The following WWC2 variants were observed in gnomAD, a reference collection of about 807,000 sequenced individuals.
The protein encoded by WWC2 is protein WWC2.
In WWC2, 101 loss-of-function variants were observed where a neutral mutation model predicts 138.5. The ratio of observed to expected loss-of-function variants is 0.73; its 90% CI spans 0.62 to 0.86. WWC2 has a LOEUF of 0.86. Ranked by LOEUF, WWC2 falls within the 40% of genes least tolerant of loss-of-function variation. The pLI, the probability that WWC2 is intolerant of heterozygous loss-of-function variation, is 0.00. For missense variants in WWC2, 1,420 were observed against 1,419.4 expected, an observed-to-expected ratio of 1.00 and a Z score of -0.01; for synonymous variants, 558 against 538.4, an observed-to-expected ratio of 1.04 and a Z score of -0.50.
chr4:183,285,928 G>A (rs1216944637), intron 19 of WWC2, 39 bp from the exon 20 acceptor site: 3 of 1,532,964 alleles, frequency 2.0e-6, no homozygotes, highest in Non-Finnish European at 2.7e-6. Context: ...CACTCTGTTT[G>A]ATATGCAGTG....
intron 8 of WWC2, among the ~76,000 whole-genome samples, chr4:183,250,387 G>A (rs971442903): frequency 6.6e-5 from 10 of 152,158 alleles, no homozygotes; most frequent in African/African-American, 1.4e-4. Context: ...AGGCAAATAA[G>A]TATTGATTTA....
At chr4:183,214,484 T>C (rs1735692300) in intron 4 of WWC2, among the ~76,000 whole-genome samples, 2 of 152,102 alleles carry the variant, frequency 1.3e-5, no homozygotes, top group South Asian at 4.1e-4. Flanking sequence ...ATCATATCAG[T>C]ATTCTTCAAA....
At chr4:183,185,134 A>G (rs1252876357) in intron 1 of WWC2, among the ~76,000 whole-genome samples, 3 of 151,858 alleles carry the variant, frequency 2.0e-5, no homozygotes, top group African/African-American at 7.3e-5. Flanking sequence ...GTCCTTCCCA[A>G]ATCTACTGAG....
chr4:183,231,720 G>A (rs1430246041), intron 4 of WWC2, among the ~76,000 whole-genome samples: 1 of 152,048 alleles, frequency 6.6e-6, no homozygotes, highest in Non-Finnish European at 1.5e-5. Context: ...TTAAGAGACA[G>A]CATTGTTGTC....
intron 11 of WWC2, among the ~76,000 whole-genome samples, chr4:183,263,605 T>C (rs1341762838): frequency 1.3e-5 from 2 of 152,186 alleles, no homozygotes; most frequent in African/African-American, 4.8e-5. Context: ...TGAAAGCGTA[T>C]ATTTAACCAT....
intron 4 of WWC2, among the ~76,000 whole-genome samples, chr4:183,210,161 C>G (rs1735556354): frequency 6.6e-6 from 1 of 151,954 alleles, no homozygotes; most frequent in East Asian, 1.9e-4. Context: ...AAAAATTATG[C>G]CTTAATGTAC....
chr4:183,185,477 A>G (rs959903300), intron 1 of WWC2, among the ~76,000 whole-genome samples: 1 of 152,356 alleles, frequency 6.6e-6, no homozygotes, highest in East Asian at 1.9e-4. Flanking sequence ...ATTTTTCAAA[A>G]GCGACTTTTG....
rs1579951352 is a variant in WWC2 at position 183,114,777 on chromosome 4, C to A, written c.131+15155C>A. On this transcript the variant is annotated intron_variant, in intron 1 of 22. Transcript: ENST00000403733. ...GGGTTTGGTGTACAAATTATTTCAT[C>A]ACCCAGGTAATAAACATAGTACCCC... Among the ~76,000 whole-genome samples the A allele has an allele frequency of 7.9e-5, 12 of 151,984 alleles. No homozygotes were observed. In the South Asian group the frequency reaches 2.3e-3, roughly 29 times the overall value.
intron 1 of WWC2, among the ~76,000 whole-genome samples, chr4:183,189,354 T>C (rs1443591496): frequency 5.3e-5 from 8 of 151,754 alleles, no homozygotes; most frequent in Non-Finnish European, 2.9e-5. Context: ...GGGGAATTGC[T>C]TGAACCAGGG....
chr4:183,250,056 A>G (rs1736926594), intron 8 of WWC2, 63 bp downstream of exon 8: 3 of 1,474,104 alleles, frequency 2.0e-6, no homozygotes. Flanking sequence ...ATTAATCTTT[A>G]CTCCTGTGGT....
At chr4:183,166,628 C>T (rs1734137353) in intron 1 of WWC2, among the ~76,000 whole-genome samples, 1 of 152,172 alleles carries the variant, frequency 6.6e-6, no homozygotes, top group South Asian at 2.1e-4. Flanking sequence ...AAGTCATTTA[C>T]TCACTTGTTT....
At chr4:183,274,577 T>A (rs892891774) in intron 16 of WWC2, among the ~76,000 whole-genome samples, 1 of 152,158 alleles carries the variant, frequency 6.6e-6, no homozygotes, top group African/African-American at 2.4e-5. Flanking sequence ...GTATGCGACT[T>A]CTTTTGTTAA....
intron 1 of WWC2, among the ~76,000 whole-genome samples, chr4:183,155,412 A>G (rs1452192017): frequency 1.3e-5 from 2 of 152,170 alleles, no homozygotes; most frequent in Non-Finnish European, 2.9e-5. Context: ...TATTGAGAGT[A>G]AGAAACTTGA....
At chr4:183,110,472 T>C (rs1238795800) in intron 1 of WWC2, among the ~76,000 whole-genome samples, 4 of 148,634 alleles carry the variant, frequency 2.7e-5, no homozygotes, top group Non-Finnish European at 5.9e-5. Flanking sequence ...TAATTTTTCC[T>C]ATACTTTTTG....
chr4:183,154,072 C>A (rs1022716225), intron 1 of WWC2, among the ~76,000 whole-genome samples: 1 of 145,684 alleles, frequency 6.9e-6, no homozygotes, highest in Non-Finnish European at 1.5e-5. Flanking sequence ...AATTAGGCTG[C>A]ATTTAAGGAA....
chr4:183,306,652 G>A (rs1170509497), intron 21 of WWC2, among the ~76,000 whole-genome samples: 1 of 125,962 alleles, frequency 7.9e-6, no homozygotes, highest in East Asian at 2.3e-4. Flanking sequence ...TCAACCTCCT[G>A]AGTAGCTGGG....
chr4:183,146,412 A>G (rs914152020), intron 1 of WWC2, among the ~76,000 whole-genome samples: 1 of 152,232 alleles, frequency 6.6e-6, no homozygotes, highest in Non-Finnish European at 1.5e-5. Flanking sequence ...TAGGGGGTGG[A>G]TTCAGTTATG....
chr4:183,103,130 C>T (rs186954383), intron 1 of WWC2, among the ~76,000 whole-genome samples: 35 of 151,928 alleles, frequency 2.3e-4, no homozygotes, highest in African/African-American at 8.0e-4. Flanking sequence ...CACTGATAGA[C>T]ACTAATCTGT....
chr4:183,263,175 T>TA (rs1737389283), intron 11 of WWC2, among the ~76,000 whole-genome samples: 1 of 152,222 alleles, frequency 6.6e-6, no homozygotes, highest in Non-Finnish European at 1.5e-5. Flanking sequence ...GCTTTGAACT[T>TA]ACATCTTTTG....
Sources: allele counts gnomAD v4.1 joint callset (sites outside exome capture counted in the v4.1 genomes callset), GRCh38; gene constraint gnomAD v4.1.1; transcripts MANE v1.5; gene names NCBI Gene and HGNC (gene_info 2026-07-23, HGNC 2026-07-21).